TSHR: variants seen among roughly 807,000 people sequenced by gnomAD.
TSHR encodes the protein thyrotropin receptor.
A neutral mutation model predicts 64.1 loss-of-function variants in TSHR; 51 were observed. That is an observed-to-expected ratio of 0.80 (90% confidence interval 0.64 to 1.01). The LOEUF (loss-of-function observed/expected upper bound fraction) is 1.01. Among genes scored for constraint, TSHR ranks in the 50% least tolerant of loss-of-function variants. TSHR has a pLI of 0.00. For synonymous variants in TSHR, 361 were observed against 361.9 expected, an observed-to-expected ratio of 1.00 and a Z score of 0.03; for missense variants, 877 against 942.8, an observed-to-expected ratio of 0.93 and a Z score of 0.91.
At chr14:81,036,002 G>T (rs1298116920) in intron 1 of TSHR, among the ~76,000 whole-genome samples, 21 of 152,170 alleles carry the variant, frequency 1.4e-4, no homozygotes, top group Admixed American at 1.2e-3. Context: ...AAAAATTTGT[G>T]AACTTAAAGA....
chr14:81,034,370 T>C (rs1884515012), intron 1 of TSHR, among the ~76,000 whole-genome samples: 1 of 152,230 alleles, frequency 6.6e-6, no homozygotes, highest in Non-Finnish European at 1.5e-5. Flanking sequence ...ACATGCTCTG[T>C]AGTCCCATCT....
intron 8 of TSHR, among the ~76,000 whole-genome samples, chr14:81,135,127 A>C (rs1470085694): frequency 6.6e-6 from 1 of 152,230 alleles, no homozygotes; most frequent in Non-Finnish European, 1.5e-5. Context: ...GGGTAGAAAA[A>C]AATAAGGTCA....
At chr14:80,983,346 C>G (rs3783945) in intron 1 of TSHR, 259,568 of 1,086,342 alleles carry the variant, frequency 0.24, 33,458 homozygotes, top group Admixed American at 0.33. Flanking sequence ...AGAGCTTTTT[C>G]ATTTGCCATC....
At chr14:81,065,187 C>A (rs530356234) in intron 2 of TSHR, among the ~76,000 whole-genome samples, 21 of 152,202 alleles carry the variant, frequency 1.4e-4, no homozygotes, top group African/African-American at 5.1e-4. Flanking sequence ...CAGGCTCCTC[C>A]CCACTATAAA....
rs967848565 is a variant in TSHR at position 81,087,638 on chromosome 14, A to T, written c.318-316A>T. On this transcript the variant is annotated intron_variant, in intron 3 of 9. Transcript: ENST00000298171. ...AACTCCTCACCAAATCATTGGAGGG[A>T]TTTTTCTTTTTTCTCTAAATGTAAA... The T allele has an allele frequency of 1.4e-5, 5 of 364,662 alleles. No homozygotes were observed. In the East Asian group the frequency reaches 3.1e-4, roughly 23 times the overall value. The allele number at this position is 364,662 out of a possible 1,614,324, so 22.6% of individuals were successfully genotyped here. A position where few individuals can be genotyped will look rare whatever the true frequency, so the allele number is the denominator to read the frequency against.
At chr14:81,070,362 C>T (rs1886967985) in intron 3 of TSHR, among the ~76,000 whole-genome samples, 1 of 152,078 alleles carries the variant, frequency 6.6e-6, no homozygotes, top group African/African-American at 2.4e-5. Flanking sequence ...GGCGCGCTGG[C>T]TCATGCCTGT....
chr14:80,978,666 G>A (rs1186938677), intron 1 of TSHR, among the ~76,000 whole-genome samples: 1 of 152,206 alleles, frequency 6.6e-6, no homozygotes, highest in Non-Finnish European at 1.5e-5. Flanking sequence ...GTTCCTGCAG[G>A]TGCTGCAGAT....
rs565082329 is a variant in TSHR, at chr14:81,143,265, G to C, written c.1207G>C (p.Asp403His). 6.2e-7 allele frequency: 1 copy of C among 1,614,022 alleles called. No homozygotes were observed. The highest frequency in any genetic ancestry group is 1.1e-5 in the South Asian group (1 of 91,084). Reference sequence around the variant, plus strand: ...AGACATGGTGTGTACCCCCAAGTCCGATGAGTTCAACCCGTGTGAAGACAT... The same window carrying C: ...AGACATGGTGTGTACCCCCAAGTCCCATGAGTTCAACCCGTGTGAAGACAT... ...SEDMVCTPKS[D>H]EFNPCEDIMG... is the part of the protein sequence containing the mutation. Residue 403 changes from aspartate to histidine, a missense_variant, in exon 10 of 10, where the codon GAT (aspartate) becomes CAT (histidine). Physicochemically the swap from Asp to His is moderately conservative, Grantham distance 81. Transcript: ENST00000298171.
chr14:80,970,747 C>T (rs908385698), intron 1 of TSHR, among the ~76,000 whole-genome samples: 13 of 152,228 alleles, frequency 8.5e-5, no homozygotes, highest in African/African-American at 2.7e-4. Flanking sequence ...AAAGCCAAGA[C>T]GCCCAGCAAG....
intron 1 of TSHR, chr14:80,982,822 G>C (rs1594915963): frequency 1.9e-6 from 1 of 519,478 alleles, no homozygotes; most frequent in East Asian, 3.5e-5. Flanking sequence ...GCCCATCCCT[G>C]AGTGTCCTTT....
At chr14:81,108,254 TA>T in intron 7 of TSHR, 120 bp from the exon 8 acceptor site, 1 of 857,924 alleles carries the variant, frequency 1.2e-6, no homozygotes, top group Non-Finnish European at 1.9e-6. Context: ...AAGTATCTTC[TA>T]AATTCTTGAA....
chr14:81,021,514 G>A (rs11845184), intron 1 of TSHR, among the ~76,000 whole-genome samples: 8,531 of 152,202 alleles, frequency 0.056, 761 homozygotes, highest in African/African-American at 0.19. Context: ...GAGAAGAGAG[G>A]ACAGTAGGCA....
intron 1 of TSHR, chr14:81,001,399 G>A (rs1284788634): frequency 4.9e-6 from 2 of 410,876 alleles, no homozygotes; most frequent in African/African-American, 2.0e-5. Context: ...GGGTTAATCC[G>A]ACCATGAGCT....
chr14:81,073,017 A>AAAAAAAAAAAAAT (rs1555376957), intron 3 of TSHR, among the ~76,000 whole-genome samples: 2 of 91,196 alleles, frequency 2.2e-5, no homozygotes, highest in African/African-American at 9.0e-5. Flanking sequence ...AAAAATAAAA[A>AAAAAAAAAAAAAT]ATAAATATAT....
At chr14:81,051,626 A>G (rs1298041750) in intron 1 of TSHR, 5 of 152,128 alleles carry the variant, frequency 3.3e-5, no homozygotes, top group African/African-American at 9.7e-5. Context: ...TTTTTCCAAA[A>G]TAGTTGTACT....
intron 8 of TSHR, among the ~76,000 whole-genome samples, chr14:81,122,815 G>A (rs1161924125): frequency 1.3e-5 from 2 of 152,072 alleles, no homozygotes; most frequent in Admixed American, 1.3e-4. Flanking sequence ...TTTAAAAATA[G>A]GTCCATGCAT....
At chr14:81,038,189 A>C (rs1205101611) in intron 1 of TSHR, among the ~76,000 whole-genome samples, 1 of 152,080 alleles carries the variant, frequency 6.6e-6, no homozygotes, top group Non-Finnish European at 1.5e-5. Flanking sequence ...AATTTTGGAA[A>C]TCGTGCAAAT....
At chr14:81,018,589 G>A (rs1883554459) in intron 1 of TSHR, among the ~76,000 whole-genome samples, 3 of 152,152 alleles carry the variant, frequency 2.0e-5, no homozygotes, top group Admixed American at 2.0e-4. Context: ...ATGAAAGGGA[G>A]TACAGGGAAC....
chr14:80,968,904 G>A lies in TSHR; in HGVS notation c.170+13054G>A, dbSNP rs901370937. ...CTCAAATGACCAGGTGGTCATTATA[G>A]TATCAACCTCCCTGTATTGGAGGAG... On this transcript the variant is annotated intron_variant, in intron 1 of 9. Coordinates refer to ENST00000298171, the MANE Select transcript of TSHR (RefSeq NM_000369.5). 2.0e-5 allele frequency among the ~76,000 whole-genome samples: 3 copies of A among 152,226 alleles called. No individual in the cohort carries two copies. In the East Asian group the frequency reaches 5.8e-4, roughly 29 times the overall value.
Sources: allele counts gnomAD v4.1 joint callset (sites outside exome capture counted in the v4.1 genomes callset), GRCh38; gene constraint gnomAD v4.1.1; transcripts MANE v1.5; gene names NCBI Gene and HGNC (gene_info 2026-07-23, HGNC 2026-07-21).